MEIS2: variants seen among roughly 807,000 people sequenced by gnomAD.
The protein encoded by MEIS2 is Meis homeobox 2, also known as homeobox protein Meis2.
A neutral mutation model predicts 58.6 loss-of-function variants in MEIS2; 9 were observed. That is an observed-to-expected ratio of 0.15 (90% CI 0.09 to 0.27). The LOEUF (loss-of-function observed/expected upper bound fraction) is 0.27, where lower values mean the gene tolerates loss of function less well. Ranked by LOEUF, MEIS2 falls within the 10% of genes least tolerant of loss-of-function variation. The probability of loss-of-function intolerance (pLI) is 1.00; values close to 1 mark genes in which losing one functional copy is unlikely to be tolerated. For missense variants in MEIS2, 427 were observed against 635.0 expected, an observed-to-expected ratio of 0.67 and a Z score of 3.52; for synonymous variants, 221 against 228.4, an observed-to-expected ratio of 0.97 and a Z score of 0.29.
At chr15:37,001,967 A>G (rs1431694543) in intron 8 of MEIS2, among the ~76,000 whole-genome samples, 1 of 152,146 alleles carries the variant, frequency 6.6e-6, no homozygotes, top group Admixed American at 6.5e-5. Flanking sequence ...AAGCCTTGTA[A>G]TGAGTATTCT....
chr15:37,023,083 TC>T (rs1650531681), intron 8 of MEIS2, among the ~76,000 whole-genome samples: 1 of 152,226 alleles, frequency 6.6e-6, no homozygotes, highest in Non-Finnish European at 1.5e-5. Context: ...TATGCTGTTT[TC>T]TTGGCATTCA....
intron 6 of MEIS2, among the ~76,000 whole-genome samples, chr15:37,087,360 A>C (rs1035406496): frequency 6.6e-6 from 1 of 152,170 alleles, no homozygotes; most frequent in Admixed American, 6.5e-5. Context: ...GCACAATAGA[A>C]GGAGATGGAA....
At chr15:37,029,751 C>T (rs2061840830) in intron 8 of MEIS2, among the ~76,000 whole-genome samples, 1 of 152,168 alleles carries the variant, frequency 6.6e-6, no homozygotes, top group South Asian at 2.1e-4. Context: ...ACCCAATCAG[C>T]TAAATAGGGC....
At position 37,096,369 on chromosome 15, in the gene MEIS2, G is replaced by T; in HGVS notation, c.307C>A (p.Pro103Thr). ...CCGCCAGCCACTCCAGGTTCCCGGG[G>T]AGTGCAGGTCGCCAGCTCGCACTTC... is the stretch of plus-strand genomic sequence containing the variant. ...FEKCELATCT[P>T]REPGVAGGDV... Residue 103 changes from proline (P) to threonine (T), a missense_variant, in exon 3 of 12, where the codon CCC becomes ACC. Physicochemically the swap from Pro to Thr is conservative, Grantham distance 38. Transcript: ENST00000561208. 1 of 1,614,052 alleles carries T rather than the reference G, an allele frequency of 6.2e-7. No individual in the cohort carries two copies. Among genetic ancestry groups the T allele is most frequent in the Non-Finnish European group, 8.5e-7 (1 of 1,179,984 alleles).
chr15:36,904,982 G>T (rs2056660275), intron 9 of MEIS2, among the ~76,000 whole-genome samples: 1 of 152,108 alleles, frequency 6.6e-6, no homozygotes, highest in South Asian at 2.1e-4. Flanking sequence ...AATGCTTTGA[G>T]ATACACTGTG....
intron 8 of MEIS2, among the ~76,000 whole-genome samples, chr15:36,960,136 A>G (rs2059132283): frequency 6.6e-6 from 1 of 152,192 alleles, no homozygotes; most frequent in Non-Finnish European, 1.5e-5. Context: ...AGATTATGCT[A>G]TGAATAATTT....
chr15:36,996,114 G>GT (rs1231911447), intron 8 of MEIS2, among the ~76,000 whole-genome samples: 2 of 148,770 alleles, frequency 1.3e-5, no homozygotes, highest in Non-Finnish European at 3.0e-5. Context: ...TGCTACTTAG[G>GT]TTTTCCCAAT....
intron 7 of MEIS2, among the ~76,000 whole-genome samples, chr15:37,053,347 G>A (rs773346136): frequency 3.3e-5 from 5 of 152,094 alleles, no homozygotes; most frequent in Non-Finnish European, 5.9e-5. Flanking sequence ...CGGCTGACTC[G>A]ACACCATTTG....
intron 10 of MEIS2, 87 bp from the exon 11 acceptor site, chr15:36,895,348 C>T (rs757814709): frequency 9.6e-5 from 111 of 1,156,138 alleles, no homozygotes; most frequent in Non-Finnish European, 1.3e-4. Context: ...AGCACTGAAA[C>T]GTTATAGCAA....
intron 8 of MEIS2, among the ~76,000 whole-genome samples, chr15:36,957,538 C>T (rs996213383): frequency 1.3e-5 from 2 of 152,146 alleles, no homozygotes; most frequent in African/African-American, 4.8e-5. Flanking sequence ...CAGTGGAAAA[C>T]CCTCCCAAGC....
At chr15:36,926,234 T>C (rs2057743334) in intron 9 of MEIS2, among the ~76,000 whole-genome samples, 1 of 152,018 alleles carries the variant, frequency 6.6e-6, no homozygotes, top group Non-Finnish European at 1.5e-5. Context: ...GCATACAACA[T>C]TAAAGCAGAC....
chr15:36,986,177 T>G (rs2060086614), intron 8 of MEIS2, among the ~76,000 whole-genome samples: 1 of 152,210 alleles, frequency 6.6e-6, no homozygotes, highest in Admixed American at 6.5e-5. Flanking sequence ...AATTAACCAC[T>G]TTTGTAATCT....
chr15:37,032,272 C>T (rs559023046), intron 8 of MEIS2, among the ~76,000 whole-genome samples: 22 of 152,206 alleles, frequency 1.4e-4, no homozygotes, highest in African/African-American at 5.3e-4. Context: ...GTTTCTAGTC[C>T]ATGATCAAAT....
intron 9 of MEIS2, among the ~76,000 whole-genome samples, chr15:36,928,656 T>A (rs2057845767): frequency 6.6e-6 from 1 of 152,144 alleles, no homozygotes; most frequent in Non-Finnish European, 1.5e-5. Context: ...TGTATATAAG[T>A]GGAGATTTAA....
Position 36,892,123 on chromosome 15 carries a change from T to A in MEIS2, c.*50A>T. 6.3e-7 allele frequency: 1 copy of A among 1,584,800 alleles called. No homozygotes were observed. The highest frequency in any genetic ancestry group is 8.7e-7 in the Non-Finnish European group (1 of 1,155,438). On this transcript the variant is annotated 3_prime_UTR_variant, in exon 12 of 12. Transcript: ENST00000561208. ...CAACATCTGGTCAAAGTTCAGAAAGTCTTAAAATAGTTTTTGCGTGTGTTT... is the reference window on the plus strand; with the variant it reads ...CAACATCTGGTCAAAGTTCAGAAAGACTTAAAATAGTTTTTGCGTGTGTTT...
chr15:37,026,612 A>G (rs572445608), intron 8 of MEIS2, among the ~76,000 whole-genome samples: 1 of 152,310 alleles, frequency 6.6e-6, no homozygotes, highest in African/African-American at 2.4e-5. Context: ...GGCAAACCAG[A>G]TATCAGCAGA....
chr15:37,010,368 T>A (rs939045900), intron 8 of MEIS2, among the ~76,000 whole-genome samples: 2 of 151,832 alleles, frequency 1.3e-5, no homozygotes, highest in African/African-American at 4.8e-5. Flanking sequence ...ATTACAGGCA[T>A]GAGCCACCAC....
At chr15:36,902,084 G>A (rs2056503943) in intron 9 of MEIS2, among the ~76,000 whole-genome samples, 1 of 152,204 alleles carries the variant, frequency 6.6e-6, no homozygotes, top group African/African-American at 2.4e-5. Flanking sequence ...CTGGGCCTGG[G>A]TGGTTTTGAG....
intron 8 of MEIS2, among the ~76,000 whole-genome samples, chr15:36,961,073 G>A (rs527488836): frequency 1.3e-5 from 2 of 152,132 alleles, no homozygotes; most frequent in South Asian, 4.1e-4. Context: ...AAATCAAGAT[G>A]GAGACAGAGC....
Sources: gnomAD v4.1 joint callset for allele counts (sites outside exome capture counted in the v4.1 genomes callset) on GRCh38, gnomAD v4.1.1 for gene constraint, MANE v1.5 for transcripts, NCBI Gene and HGNC (gene_info 2026-07-23, HGNC 2026-07-21) for gene names.